Variants in NBPF12 observed in about 807,000 individuals in gnomAD.
NBPF12 encodes NBPF member 12.
In NBPF12, 115 loss-of-function variants were observed where a neutral mutation model predicts 146.4. The ratio of observed to expected loss-of-function variants is 0.79; its 90% CI spans 0.68 to 0.92. The LOEUF is 0.92. Ranked by LOEUF, NBPF12 falls within the 40% of genes least tolerant of loss-of-function variation. NBPF12 has a pLI of 0.00. For missense variants in NBPF12, 1,205 were observed against 1,326.8 expected (o/e 0.91, Z 1.43); for synonymous variants, 385 against 508.9 (o/e 0.76, Z 3.28).
chr1:146,958,233 T>C (rs2101838858), intron 2 of NBPF12, among the ~76,000 whole-genome samples: 1 of 118,706 alleles, frequency 8.4e-6, no homozygotes, highest in African/African-American at 2.9e-5. Flanking sequence ...GAGAACATGC[T>C]CGCACCGCCG....
chr1:146,950,900 T>A (rs1485743964), intron 1 of NBPF12, among the ~76,000 whole-genome samples: 1 of 152,160 alleles, frequency 6.6e-6, no homozygotes, highest in South Asian at 2.1e-4. Context: ...TCTGCACATA[T>A]GTTTTAATTT....
upstream of NBPF12, among the ~76,000 whole-genome samples, chr1:146,945,290 C>A (rs1655002199): frequency 6.6e-6 from 1 of 151,448 alleles, no homozygotes; most frequent in South Asian, 2.1e-4. Flanking sequence ...CCCTTAGGTC[C>A]TCCCAGCCTC....
rs1389870707 is a variant in NBPF12, at chr1:146,958,234, C to T, written c.-183-1625C>T. On this transcript the variant is annotated intron_variant, in intron 2 of 33. Coordinates refer to ENST00000617844, the Ensembl canonical transcript of NBPF12. ...TCCCACCCATGAGTGAGAACATGCT[C>T]GCACCGCCGCTTCTAAATGTTTTAA... Among the ~76,000 whole-genome samples, 106 of 118,456 alleles carry T rather than the reference C, an allele frequency of 8.9e-4. 15 individuals are homozygous for T. The highest frequency in any genetic ancestry group is 2.5e-3 in the African/African-American group (86 of 34,912). 77.7% of individuals were successfully genotyped at this position (118,456 alleles called of 152,430 possible).
upstream of NBPF12, among the ~76,000 whole-genome samples, chr1:146,945,067 C>T (rs1246192727): frequency 7.5e-4 from 83 of 109,968 alleles, no homozygotes; most frequent in Non-Finnish European, 1.2e-3. Context: ...TCCCTCCCTT[C>T]TTTTCTTCCT....
chr1:146,983,112 G>T, intron 20 of NBPF12, 21 bp downstream of exon 23: 1 of 1,371,896 alleles, frequency 7.3e-7, no homozygotes, highest in Non-Finnish European at 1.0e-6. Context: ...CATTGTGAAG[G>T]TGATAAAGCT....
At chr1:146,994,514 T>C (rs782648466) in exon 34 of NBPF12, 1 of 1,609,622 alleles carries the variant, frequency 6.2e-7, no homozygotes, top group Non-Finnish European at 8.5e-7. Context: ...AATAGCTTTT[T>C]TACTTTGACG....
exon 6 of NBPF12, chr1:146,963,191 G>A: frequency 2.5e-6 from 4 of 1,597,588 alleles, no homozygotes; most frequent in Non-Finnish European, 3.4e-6. Context: ...CATTGAATGA[G>A]CATCTCCAGG....
intron 5 of NBPF12, 107 bp downstream of exon 8, chr1:146,962,370 G>C (rs1169873036): frequency 4.4e-6 from 4 of 912,464 alleles, no homozygotes; most frequent in Admixed American, 1.7e-5. Context: ...GGAAAGGGCA[G>C]AAATTGCCAT....
chr1:146,965,479 G>T (rs1444919715), intron 8 of NBPF12, among the ~76,000 whole-genome samples: 3 of 151,180 alleles, frequency 2.0e-5, no homozygotes, highest in African/African-American at 2.5e-5. Context: ...TCATTGGCTT[G>T]TCTTAGCTAT....
At chr1:146,985,888 G>C in intron 23 of NBPF12, 132 bp downstream of exon 26, 2 of 670,446 alleles carry the variant, frequency 3.0e-6, no homozygotes, top group Non-Finnish European at 5.3e-6. Flanking sequence ...ATTGCTGTTG[G>C]TTTTCATTGC....
At chr1:146,978,040 G>C (rs1657157634) in intron 18 of NBPF12, among the ~76,000 whole-genome samples, 1 of 151,784 alleles carries the variant, frequency 6.6e-6, no homozygotes, top group South Asian at 2.1e-4. Flanking sequence ...TGGCAGCCTT[G>C]CCTTTGTATT....
intron 27 of NBPF12, 91 bp from the exon 31 acceptor site, chr1:146,989,483 A>T: frequency 8.0e-7 from 1 of 1,251,998 alleles, no homozygotes; most frequent in East Asian, 2.3e-5. Flanking sequence ...TTCTTTTCTA[A>T]CCACTTCCTT....
intron 15 of NBPF12, 149 bp from the exon 19 acceptor site, chr1:146,975,528 C>G: frequency 1.7e-6 from 1 of 597,426 alleles, no homozygotes; most frequent in Non-Finnish European, 3.0e-6. Flanking sequence ...TCTATTCTTT[C>G]TCTTGGCCAC....
chr1:146,957,582 G>A (rs1655650498), intron 2 of NBPF12: 1 of 138,176 alleles, frequency 7.2e-6, no homozygotes, highest in African/African-American at 2.6e-5. Flanking sequence ...CTGGGACGGT[G>A]GCACAGATGG....
In NBPF12 at chr1:146,987,790, G is replaced by T. The variant is rs1657886437; in HGVS notation, c.3117-164G>T. On this transcript the variant is annotated intron_variant, in intron 25 of 33. Coordinates refer to ENST00000617844, the Ensembl canonical transcript of NBPF12. ...CTTTCTCTTTCATTCTTTTCCATTT[G>T]GCCCTGTTCTGTCCCAACATGAAGG... Among the ~76,000 whole-genome samples the T allele has an allele frequency of 2.0e-5, 3 of 151,812 alleles. No homozygotes were observed. In the South Asian group the frequency reaches 6.2e-4, roughly 31 times the overall value.
chr1:146,945,740 ATATTG>A (rs1655026041), upstream of NBPF12, among the ~76,000 whole-genome samples: 3 of 152,108 alleles, frequency 2.0e-5, no homozygotes, highest in African/African-American at 4.8e-5. Context: ...CCCTATTAGT[ATATTG>A]TATTAGTGTG....
intron 2 of NBPF12, among the ~76,000 whole-genome samples, chr1:146,954,969 AATATATATATATATAT>A (rs1171967177): frequency 0.078 from 4,158 of 53,474 alleles, 484 homozygotes; most frequent in African/African-American, 0.17. Context: ...CCAAATAGGG[AATATATATATATATAT>A]ATATATATAT....
chr1:146,939,784 C>T (rs1188773947), intron 1 of NBPF12, among the ~76,000 whole-genome samples: 1 of 151,856 alleles, frequency 6.6e-6, no homozygotes, highest in Non-Finnish European at 1.5e-5. Context: ...GAGATTGAGA[C>T]CATCCTGGCT....
At chr1:146,971,543 A>C in intron 13 of NBPF12, 149 bp downstream of exon 16, 1 of 745,414 alleles carries the variant, frequency 1.3e-6, no homozygotes, top group Non-Finnish European at 2.2e-6. Flanking sequence ...TAATCACAGC[A>C]CTTTGGAAGG....
Sources: allele counts gnomAD v4.1 joint callset (sites outside exome capture counted in the v4.1 genomes callset), GRCh38; gene constraint gnomAD v4.1.1; transcripts MANE v1.5; gene names NCBI Gene and HGNC (gene_info 2026-07-23, HGNC 2026-07-21).